Variants in LIM2 observed in about 807,000 individuals in gnomAD.
The protein encoded by LIM2 is lens intrinsic membrane protein 2, also known as lens fiber membrane intrinsic protein.
LIM2 carries 14 observed loss-of-function variants against 19.0 expected under a neutral mutation model. The ratio of observed to expected loss-of-function variants is 0.74; its 90% CI spans 0.49 to 1.15. LIM2 has a LOEUF of 1.15. Among genes scored for constraint, LIM2 ranks in the 50% most tolerant of loss-of-function variants. LIM2 has a pLI of 0.00. For synonymous variants in LIM2, 78 were observed against 89.6 expected, an observed-to-expected ratio of 0.87 and a Z score of 0.73; for missense variants, 230 against 243.5, an observed-to-expected ratio of 0.94 and a Z score of 0.37.
At chr19:51,381,215 G>A (rs1568480293) in intron 3 of LIM2, among the ~76,000 whole-genome samples, 2 of 152,148 alleles carry the variant, frequency 1.3e-5, no homozygotes, top group African/African-American at 4.8e-5. Context: ...CTACTCAGGA[G>A]GCTGAGGCAG....
chr19:51,387,510 TG>T, intron 1 of LIM2, 61 bp from the exon 2 acceptor site: 2 of 1,604,598 alleles, frequency 1.2e-6, no homozygotes, highest in Non-Finnish European at 1.7e-6. Flanking sequence ...AGGGAGGAAC[TG>T]GGGGGAGAGA....
chr19:51,380,755 G>A lies in LIM2; in HGVS notation c.326-116C>T, dbSNP rs949182737. 7 of 1,223,114 alleles carry A rather than the reference G, an allele frequency of 5.7e-6. No homozygotes were observed. The African/African-American group carries it at 9.0e-5, about 16-fold the overall frequency. The allele number at this position is 1,223,114 out of a possible 1,614,324, so 75.8% of individuals were successfully genotyped here. A position where few individuals can be genotyped will look rare whatever the true frequency, so the allele number is the denominator to read the frequency against. ...AAGATTGGGGAAAGGGGTGGAAATG[G>A]GTTGGGGGTGGGGATAGGAGTGAGG... On this transcript the variant is annotated intron_variant, in intron 3 of 4. Transcript: ENST00000596399.
In LIM2 at chr19:51,380,529, C is replaced by A. The variant is rs1187930157; in HGVS notation, c.436G>T (p.Ala146Ser). The A allele has an allele frequency of 6.2e-7, 1 of 1,614,080 alleles. No individual in the cohort carries two copies. The highest frequency in any genetic ancestry group is 1.3e-5 in the African/African-American group (1 of 74,914). The change falls in exon 4 of 5, where the codon GCA becomes TCA. Residue 146 changes from alanine (A) to serine (S), a missense_variant. Physicochemically the swap from Ala to Ser is moderately conservative, Grantham distance 99. Transcript: ENST00000596399. ...FSWSYILGWV[A>S]VLMTFFAGIF... ...CCTGCGAAGAACGTCATGAGCACTGCCACCCAGCCCAGGATGTAGGACCAG... is the reference window on the plus strand; with the variant it reads ...CCTGCGAAGAACGTCATGAGCACTGACACCCAGCCCAGGATGTAGGACCAG...
intron 2 of LIM2, 131 bp downstream of exon 2, chr19:51,387,138 G>A: frequency 6.4e-7 from 1 of 1,562,138 alleles, no homozygotes; most frequent in Non-Finnish European, 8.8e-7. Context: ...TCCATGCTGA[G>A]TGACCTTGGG....
intron 2 of LIM2, among the ~76,000 whole-genome samples, chr19:51,385,438 C>T (rs1319413128): frequency 6.6e-6 from 1 of 152,106 alleles, no homozygotes; most frequent in Non-Finnish European, 1.5e-5. Flanking sequence ...AGGAGAATTG[C>T]TTGAACCCAG....
intron 2 of LIM2, among the ~76,000 whole-genome samples, chr19:51,386,823 C>A (rs1014745413): frequency 6.6e-6 from 1 of 151,670 alleles, no homozygotes; most frequent in Non-Finnish European, 1.5e-5. Flanking sequence ...AGATGCTATG[C>A]AGCAAGCAAT....
At chr19:51,387,126 C>A (rs144483179) in intron 2 of LIM2, 143 bp downstream of exon 2, 1 of 1,494,170 alleles carries the variant, frequency 6.7e-7, no homozygotes, top group African/African-American at 1.4e-5. Context: ...AGTTCTGCCC[C>A]CTCCATGCTG....
intron 1 of LIM2, 127 bp downstream of exon 1, chr19:51,387,792 T>G: frequency 2.9e-6 from 1 of 344,570 alleles, no homozygotes; most frequent in South Asian, 2.9e-5. Context: ...GATTCCTGGG[T>G]GGTGGGTAAG....
chr19:51,382,353 T>C (rs1210018663), intron 3 of LIM2, 65 bp downstream of exon 3: 1 of 1,528,500 alleles, frequency 6.5e-7, no homozygotes, highest in Non-Finnish European at 8.8e-7. Flanking sequence ...TGTTGAGGGG[T>C]GGGGACAGAT....
At chr19:51,386,031 A>G (rs1987031214) in intron 2 of LIM2, among the ~76,000 whole-genome samples, 1 of 152,212 alleles carries the variant, frequency 6.6e-6, no homozygotes, top group Non-Finnish European at 1.5e-5. Context: ...AGTGCTTAGA[A>G]TAGCACATAG....
intron 2 of LIM2, among the ~76,000 whole-genome samples, chr19:51,386,131 T>A (rs565213212): frequency 6.6e-5 from 10 of 151,496 alleles, no homozygotes; most frequent in African/African-American, 2.4e-4. Context: ...AATTAATTTT[T>A]ATTTATTTTT....
intron 4 of LIM2, 62 bp downstream of exon 4, chr19:51,380,443 C>T: frequency 6.2e-7 from 1 of 1,611,148 alleles, no homozygotes. Context: ...CTGTCATCTT[C>T]CACTCTATCT....
intron 3 of LIM2, 129 bp from the exon 4 acceptor site, chr19:51,380,768 G>A (rs1986876110): frequency 4.1e-6 from 4 of 985,280 alleles, no homozygotes; most frequent in Middle Eastern, 2.7e-4. Flanking sequence ...TGGGGGTGGG[G>A]ATAGGAGTGA....
At chr19:51,384,836 G>C (rs186897416) in intron 2 of LIM2, among the ~76,000 whole-genome samples, 1 of 152,052 alleles carries the variant, frequency 6.6e-6, no homozygotes. Context: ...TTGAGGCCAG[G>C]AGGGTTTCTT....
chr19:51,380,734 T>C, intron 3 of LIM2, 95 bp from the exon 4 acceptor site: 3 of 1,461,696 alleles, frequency 2.1e-6, no homozygotes, highest in Non-Finnish European at 2.8e-6. Flanking sequence ...GGAACTAAGA[T>C]TGGGGAAAGG....
intron 3 of LIM2, among the ~76,000 whole-genome samples, chr19:51,381,027 C>G (rs752070958): frequency 6.6e-6 from 1 of 151,946 alleles, no homozygotes; most frequent in African/African-American, 2.4e-5. Context: ...AAAAACCAAC[C>G]AGGTCAGGCA....
chr19:51,382,357 G>A, intron 3 of LIM2, 61 bp downstream of exon 3: 2 of 1,585,444 alleles, frequency 1.3e-6, no homozygotes, highest in South Asian at 1.1e-5. Context: ...GAGGGGTGGG[G>A]ACAGATTGGG....
rs200867286 is a variant in LIM2, at chr19:51,380,246, G to A, written c.477C>T (p.Cys159=). The change falls in exon 5 of 5, where the codon TGC becomes TGT. Residue 159 remains cysteine (C), a synonymous_variant. Coordinates refer to ENST00000596399, the MANE Select transcript of LIM2 (RefSeq NM_001161748.2). ...MTFFAGIFYM[C]AYRVHECRRL... is the part of the protein sequence containing the mutation. ...GCCGGCATTCATGCACCCGGTAGGC[G>A]CACATGTAGAAAATCCCTGCATGAG... is the stretch of plus-strand genomic sequence containing the variant. The A allele has an allele frequency of 1.7e-5, 28 of 1,613,388 alleles. No individual in the cohort carries two copies. The South Asian group carries it at 2.2e-4, about 13-fold the overall frequency.
At chr19:51,380,365 C>T (rs1986862310) in intron 4 of LIM2, 103 bp from the exon 5 acceptor site, 13 of 1,570,266 alleles carry the variant, frequency 8.3e-6, no homozygotes, top group East Asian at 2.2e-5. Flanking sequence ...TGGGTATCCC[C>T]GACCCCAGAC....
Sources: allele counts gnomAD v4.1 joint callset (sites outside exome capture counted in the v4.1 genomes callset), GRCh38; gene constraint gnomAD v4.1.1; transcripts MANE v1.5; gene names NCBI Gene and HGNC (gene_info 2026-07-23, HGNC 2026-07-21).